Variants in SPATA16 observed in about 807,000 individuals in gnomAD.
SPATA16 encodes the protein spermatogenesis-associated protein 16.
In SPATA16, 36 loss-of-function variants were observed where a neutral mutation model predicts 63.3. That is an observed-to-expected ratio of 0.57 (90% confidence interval 0.44 to 0.75). SPATA16 has a LOEUF of 0.75. Among genes scored for constraint, SPATA16 ranks in the 30% least tolerant of loss-of-function variants. The pLI is 0.00. For missense variants in SPATA16, 646 were observed against 679.3 expected, an observed-to-expected ratio of 0.95 and a Z score of 0.54; for synonymous variants, 203 against 216.7, an observed-to-expected ratio of 0.94 and a Z score of 0.56.
chr3:173,106,306 T>C lies in SPATA16; in HGVS notation c.612+10814A>G, dbSNP rs1737621243. ...TAGGAACACCCAATTCCTTCCTATT[T>C]TACCTTGGTGTTTTCTCTTTATATT... On this transcript the variant is annotated intron_variant, in intron 2 of 10. Coordinates refer to ENST00000351008, the MANE Select transcript of SPATA16 (RefSeq NM_031955.6). Among the ~76,000 whole-genome samples, 9 of 152,278 alleles carry C rather than the reference T, an allele frequency of 5.9e-5. 1 individual carries two copies. The South Asian group carries it at 1.9e-3, about 32-fold the overall frequency.
At chr3:172,902,163 A>C (rs1374651912) in intron 10 of SPATA16, among the ~76,000 whole-genome samples, 6 of 151,976 alleles carry the variant, frequency 3.9e-5, no homozygotes, top group Non-Finnish European at 5.9e-5. Flanking sequence ...TCAGCTTTCC[A>C]AGTAGCTGGG....
intron 2 of SPATA16, among the ~76,000 whole-genome samples, chr3:173,089,952 A>G (rs563422720): frequency 6.6e-6 from 1 of 152,298 alleles, no homozygotes; most frequent in Non-Finnish European, 1.5e-5. Flanking sequence ...TTTCAACTGG[A>G]TACTGTTTTC....
Position 172,970,659 on chromosome 3 carries a change from C to G in SPATA16, c.933+6309G>C, listed in dbSNP as rs1411393542. 2.6e-5 allele frequency among the ~76,000 whole-genome samples: 4 copies of G among 152,306 alleles called. No individual in the cohort carries two copies. In the East Asian group the frequency reaches 7.7e-4, roughly 29 times the overall value. ...CTCATGCAAATAATTTAGAAACTCT[C>G]TGCCTGACAGGGCCAAATAAATAAA... is the stretch of plus-strand genomic sequence containing the variant. On this transcript the variant is annotated intron_variant, in intron 5 of 10. Transcript: ENST00000351008.
intron 4 of SPATA16, among the ~76,000 whole-genome samples, chr3:172,987,891 C>T (rs187877366): frequency 7.2e-5 from 11 of 152,252 alleles, no homozygotes; most frequent in Admixed American, 7.2e-4. Context: ...TGTAGCAAGT[C>T]AAGGGGTGTG....
At chr3:172,939,107 C>T (rs1733083305) in intron 6 of SPATA16, among the ~76,000 whole-genome samples, 1 of 152,116 alleles carries the variant, frequency 6.6e-6, no homozygotes, top group South Asian at 2.1e-4. Context: ...AGGCCAAAAC[C>T]AATGTATACT....
intron 9 of SPATA16, among the ~76,000 whole-genome samples, chr3:172,914,328 T>C (rs1036674797): frequency 6.6e-6 from 1 of 152,164 alleles, no homozygotes; most frequent in Non-Finnish European, 1.5e-5. Flanking sequence ...GCACCTGCTG[T>C]ACTCTAATGT....
At chr3:173,087,173 G>A (rs927038702) in intron 2 of SPATA16, among the ~76,000 whole-genome samples, 1 of 152,102 alleles carries the variant, frequency 6.6e-6, no homozygotes, top group Non-Finnish European at 1.5e-5. Context: ...CTCATTGTAG[G>A]TCTCTAAGAA....
intron 1 of SPATA16, among the ~76,000 whole-genome samples, chr3:173,130,028 T>A (rs1206786572): frequency 6.6e-6 from 1 of 152,174 alleles, no homozygotes; most frequent in Non-Finnish European, 1.5e-5. Flanking sequence ...CTGTAAAGTA[T>A]CTTTTGGAGT....
chr3:173,099,937 C>T (rs1271238971), intron 2 of SPATA16, among the ~76,000 whole-genome samples: 2 of 152,152 alleles, frequency 1.3e-5, no homozygotes, highest in Non-Finnish European at 2.9e-5. Context: ...TAACTAGTGG[C>T]AGTGGGCAGC....
chr3:172,901,008 C>T (rs1487186671), intron 10 of SPATA16, among the ~76,000 whole-genome samples: 1 of 152,000 alleles, frequency 6.6e-6, no homozygotes, highest in Non-Finnish European at 1.5e-5. Context: ...TTTCATTCTG[C>T]TGTTGAGTCC....
intron 3 of SPATA16, among the ~76,000 whole-genome samples, chr3:173,027,344 A>T (rs377706592): frequency 9.2e-4 from 140 of 152,110 alleles, no homozygotes; most frequent in African/African-American, 3.3e-3. Flanking sequence ...TAAATAGATG[A>T]TTACATCTTC....
At chr3:172,966,428 T>A (rs1413351030) in intron 5 of SPATA16, among the ~76,000 whole-genome samples, 3 of 152,232 alleles carry the variant, frequency 2.0e-5, no homozygotes, top group Admixed American at 2.0e-4. Flanking sequence ...GAAGTTATTG[T>A]TCCTCATAGG....
chr3:172,971,882 A>G (rs1480190526), intron 5 of SPATA16, among the ~76,000 whole-genome samples: 1 of 152,166 alleles, frequency 6.6e-6, no homozygotes, highest in Non-Finnish European at 1.5e-5. Flanking sequence ...GGTTGTTGCA[A>G]TAGTGACAAT....
chr3:172,976,048 A>G (rs1173286140), intron 5 of SPATA16, among the ~76,000 whole-genome samples: 1 of 152,112 alleles, frequency 6.6e-6, no homozygotes, highest in Admixed American at 6.6e-5. Flanking sequence ...CAATTAAATT[A>G]AAACATCTTG....
chr3:172,960,080 T>C (rs1733713588), intron 5 of SPATA16, among the ~76,000 whole-genome samples: 1 of 151,942 alleles, frequency 6.6e-6, no homozygotes, highest in South Asian at 2.1e-4. Flanking sequence ...ATCTTAGACA[T>C]TAAAATATAA....
At chr3:173,001,268 G>GTTTTTTTTTTTTTT (rs776040026) in intron 4 of SPATA16, among the ~76,000 whole-genome samples, 8 of 137,590 alleles carry the variant, frequency 5.8e-5, no homozygotes, top group African/African-American at 1.9e-4. Flanking sequence ...CTTCTCAGTT[G>GTTTTTTTTTTTTTT]TTTTTTTTTT....
chr3:173,014,707 A>G (rs1201757188), intron 4 of SPATA16, among the ~76,000 whole-genome samples: 2 of 152,256 alleles, frequency 1.3e-5, no homozygotes, highest in African/African-American at 4.8e-5. Context: ...CCATAGAGCA[A>G]CATTAGTTGG....
intron 2 of SPATA16, among the ~76,000 whole-genome samples, chr3:173,108,021 A>G (rs997888013): frequency 1.3e-5 from 2 of 152,202 alleles, no homozygotes; most frequent in Non-Finnish European, 2.9e-5. Context: ...AGAATTAACT[A>G]TATTTAAAAA....
intron 3 of SPATA16, among the ~76,000 whole-genome samples, chr3:173,026,571 A>T (rs1260205905): frequency 6.6e-6 from 1 of 151,992 alleles, no homozygotes; most frequent in Admixed American, 6.6e-5. Flanking sequence ...TAGTTTTAAC[A>T]GTTATAAACT....
Sources: gnomAD v4.1 joint callset for allele counts (sites outside exome capture counted in the v4.1 genomes callset) on GRCh38, gnomAD v4.1.1 for gene constraint, MANE v1.5 for transcripts, NCBI Gene and HGNC (gene_info 2026-07-23, HGNC 2026-07-21) for gene names.